Variants in AFF2 observed in about 807,000 individuals in gnomAD.
AFF2 encodes AF4/FMR2 family member 2.
Under a neutral mutation model 76.9 loss-of-function variants are expected in AFF2, and 14 were observed. That is an observed-to-expected ratio of 0.18 (90% CI 0.12 to 0.28). AFF2 has a LOEUF of 0.28. AFF2 is among the 10% of genes least tolerant of loss of function. The probability of loss-of-function intolerance (pLI) is 1.00; values close to 1 mark genes in which losing one functional copy is unlikely to be tolerated. For missense variants in AFF2, 868 were observed against 1,001.1 expected (o/e 0.87, Z 1.79); for synonymous variants, 398 against 366.7 (o/e 1.09, Z -0.98).
At chrX:148,834,496 C>T (rs954426300) in intron 4 of AFF2, among the ~76,000 whole-genome samples, 1 of 89,633 alleles carries the variant, frequency 1.1e-5, no homozygotes, top group Non-Finnish European at 2.2e-5. Context: ...AAGTTCAGAC[C>T]AGTCTCAGAT....
chrX:148,734,999 T>C (rs143207760), intron 3 of AFF2, among the ~76,000 whole-genome samples: 389 of 112,146 alleles, frequency 3.5e-3, no homozygotes, highest in African/African-American at 0.012. Flanking sequence ...TGTCATTGTG[T>C]GCCTATAGCT....
chrX:148,967,077 C>T lies in AFF2; in HGVS notation c.3201C>T (p.Asp1067=). The change falls in exon 14 of 21, where the codon GAC becomes GAT. Residue 1067 remains aspartate (D), a splice_region_variant and synonymous_variant. Coordinates refer to ENST00000370460, the MANE Select transcript of AFF2 (RefSeq NM_002025.4). ...NVRRPKLTFD[D]SVHNADYYMQ... is the part of the protein sequence containing the mutation. ...GGAGACCCAAGCTCACTTTTGATGA[C>T]TCGTATGTTGTTCCAGATTATCATG... The T allele has an allele frequency of 8.3e-7, 1 of 1,209,096 alleles. No individual in the cohort carries two copies.
At chrX:148,653,813 G>A (rs138426087) in intron 2 of AFF2, among the ~76,000 whole-genome samples, 20,560 of 110,929 alleles carry the variant, frequency 0.19, 1,420 homozygotes, top group Non-Finnish European at 0.2. Flanking sequence ...GAGGGTGGTG[G>A]TATCATGAAC....
At chrX:148,783,563 T>C (rs1243640031) in intron 3 of AFF2, among the ~76,000 whole-genome samples, 2 of 111,755 alleles carry the variant, frequency 1.8e-5, no homozygotes, top group African/African-American at 6.5e-5. Flanking sequence ...TTCCTCTCAT[T>C]TCTGTTAACT....
At chrX:148,772,624 T>C (rs2069603891) in intron 3 of AFF2, among the ~76,000 whole-genome samples, 1 of 107,943 alleles carries the variant, frequency 9.3e-6, no homozygotes, top group South Asian at 4.1e-4. Flanking sequence ...TAAAGTTCTT[T>C]CCAAAAGTCT....
chrX:148,806,887 A>AAAAAGCACTTGCAGGAAGG (rs2070142947), intron 3 of AFF2, among the ~76,000 whole-genome samples: 1 of 112,429 alleles, frequency 8.9e-6, no homozygotes, highest in Admixed American at 9.4e-5. Flanking sequence ...CTGGTTAATT[A>AAAAAGCACTTGCAGGAAGG]AAAAGCACTT....
At chrX:148,825,975 G>A (rs1438818576) in intron 4 of AFF2, among the ~76,000 whole-genome samples, 2 of 109,688 alleles carry the variant, frequency 1.8e-5, no homozygotes, top group Non-Finnish European at 3.8e-5. Flanking sequence ...GGGTGGGGTA[G>A]AGTTCTCCTT....
Position 148,909,057 on chromosome X carries a change from G to C in AFF2, c.1397+4799G>C, listed in dbSNP as rs782735291. Among the ~76,000 whole-genome samples, 8 of 112,130 alleles carry C rather than the reference G, an allele frequency of 7.1e-5. No individual in the cohort carries two copies. In the East Asian group the frequency reaches 1.4e-3, roughly 20 times the overall value. On this transcript the variant is annotated intron_variant, in intron 9 of 20. Transcript: ENST00000370460. ...ATTAAGCTTTTTTGTGATGCTGAAG[G>C]TTAAACTATCAATCCTTTCTCCTTT...
chrX:148,852,784 T>C (rs1312025174), intron 7 of AFF2, among the ~76,000 whole-genome samples: 3 of 111,802 alleles, frequency 2.7e-5, no homozygotes, highest in Non-Finnish European at 5.6e-5. Flanking sequence ...CTCCCAGGAT[T>C]GTACTCTCAA....
chrX:148,767,333 G>T (rs2069531464), intron 3 of AFF2, among the ~76,000 whole-genome samples: 1 of 111,597 alleles, frequency 9.0e-6, no homozygotes, highest in Non-Finnish European at 1.9e-5. Flanking sequence ...CAGGATTTTA[G>T]TTGAGAAGAT....
intron 7 of AFF2, among the ~76,000 whole-genome samples, chrX:148,884,785 A>G (rs1450572651): frequency 1.8e-5 from 2 of 112,198 alleles, no homozygotes; most frequent in Non-Finnish European, 3.8e-5. Context: ...GGTTGGGTAG[A>G]GGAAAAAAAT....
intron 7 of AFF2, among the ~76,000 whole-genome samples, chrX:148,880,058 G>T (rs1010174986): frequency 8.9e-5 from 10 of 112,182 alleles, no homozygotes; most frequent in Non-Finnish European, 1.3e-4. Flanking sequence ...CTGGGCTAGG[G>T]GTCCACCCCT....
chrX:148,995,372 C>T lies in AFF2; in HGVS notation c.*4040C>T, dbSNP rs781868299. 2.0e-3 allele frequency: 216 copies of T among 108,458 alleles called. 1 individual carries two copies. Among genetic ancestry groups the T allele is most frequent in the African/African-American group, 7.1e-3 (210 of 29,672 alleles). 8.9% of individuals were successfully genotyped at this position (108,458 alleles called of 1,213,427 possible). Reference sequence around the variant, plus strand: ...GAAAAAGTATTAATTCTCTTTCCATCCTCCTCCTCAGAAATATAGAAGCCC... The same window carrying T: ...GAAAAAGTATTAATTCTCTTTCCATTCTCCTCCTCAGAAATATAGAAGCCC... On this transcript the variant is annotated 3_prime_UTR_variant, in exon 21 of 21. Coordinates refer to ENST00000370460, the MANE Select transcript of AFF2 (RefSeq NM_002025.4).
intron 1 of AFF2, among the ~76,000 whole-genome samples, chrX:148,606,014 T>C (rs907390236): frequency 6.2e-5 from 7 of 112,421 alleles, no homozygotes; most frequent in African/African-American, 2.3e-4. Context: ...CTTTAACAAC[T>C]AAGATTATTG....
intron 3 of AFF2, among the ~76,000 whole-genome samples, chrX:148,682,342 T>C (rs781782967): frequency 8.9e-6 from 1 of 111,918 alleles, no homozygotes; most frequent in East Asian, 2.8e-4. Flanking sequence ...GGGCTAAGCT[T>C]GTTCCCGACA....
At position 148,967,692 on chromosome X, in the gene AFF2, G is replaced by T. The variant is rs782088318; in HGVS notation, c.3267G>T (p.Leu1089=). 4 of 1,203,117 alleles carry T rather than the reference G, an allele frequency of 3.3e-6. No individual in the cohort carries two copies. The highest frequency in any genetic ancestry group is 3.4e-6 in the Non-Finnish European group (3 of 888,944). Residue 1089 remains leucine (L), a splice_region_variant and synonymous_variant, in exon 15 of 21, where the codon CTG becomes CTT. Transcript: ENST00000370460. ...AKKLKHKADA[L]FEKFGKAVNY... ...AGCTGAAGCACAAAGCTGATGCACT[G>T]GTAAGTTTCCTTTTTCTCATTGCTT...
At chrX:148,643,321 A>T (rs16994653) in intron 1 of AFF2, among the ~76,000 whole-genome samples, 5,131 of 111,718 alleles carry the variant, frequency 0.046, 309 homozygotes, top group African/African-American at 0.16. Context: ...CTATCCGATT[A>T]CATATTTGCT....
chrX:148,878,783 A>AAC (rs782321373), intron 7 of AFF2, among the ~76,000 whole-genome samples: 5 of 112,312 alleles, frequency 4.5e-5, no homozygotes, highest in East Asian at 2.8e-4. Context: ...TAGATGTTTT[A>AAC]ACACACACAC....
intron 3 of AFF2, among the ~76,000 whole-genome samples, chrX:148,773,361 A>G (rs2069614614): frequency 1.8e-5 from 2 of 110,892 alleles, no homozygotes; most frequent in African/African-American, 6.5e-5. Context: ...TATATATTTC[A>G]TTGTGGTTAC....
Sources: allele counts gnomAD v4.1 joint callset (sites outside exome capture counted in the v4.1 genomes callset), GRCh38; gene constraint gnomAD v4.1.1; transcripts MANE v1.5; gene names NCBI Gene and HGNC (gene_info 2026-07-23, HGNC 2026-07-21).